COL5A2: variants seen among roughly 807,000 people sequenced by gnomAD.
COL5A2 encodes the protein collagen alpha-2(V) chain.
A neutral mutation model predicts 208.2 loss-of-function variants in COL5A2; 23 were observed. That is an observed-to-expected ratio of 0.11 (90% CI 0.08 to 0.16). The LOEUF is 0.16. Among genes scored for constraint, COL5A2 ranks in the 10% least tolerant of loss-of-function variants. The pLI, the probability that COL5A2 is intolerant of heterozygous loss-of-function variation, is 1.00. For missense variants in COL5A2, 1,590 were observed against 1,956.4 expected (o/e 0.81, Z 3.53); for synonymous variants, 625 against 628.5 (o/e 0.99, Z 0.08).
chr2:189,360,195 C>T, the COL5A2 span, among the ~76,000 whole-genome samples: 1 of 151,952 alleles, frequency 6.6e-6, no homozygotes, highest in Non-Finnish European at 1.5e-5. Flanking sequence ...GCTAAGAACT[C>T]CTGTCTTAAG....
intron 1 of COL5A2, among the ~76,000 whole-genome samples, chr2:189,138,910 A>G: frequency 6.6e-6 from 1 of 152,232 alleles, no homozygotes; most frequent in African/African-American, 2.4e-5. Context: ...AATATAAAAT[A>G]GAATAGGACA....
intron 16 of COL5A2, among the ~76,000 whole-genome samples, chr2:189,077,128 G>A (rs186201057): frequency 2.0e-5 from 3 of 152,078 alleles, no homozygotes; most frequent in Admixed American, 6.6e-5. Flanking sequence ...ACTTGGCCTA[G>A]AGAAGTGGCC....
Position 189,063,191 on chromosome 2 carries a change from G to C in COL5A2, c.1850C>G (p.Pro617Arg), listed in dbSNP as rs754654151. ...ACTCACACTGCTACCTTTGGGGCCT[G>C]GAAGGCCCATGCTCCCGGGCTGCCC... Reference protein sequence around the residue: ...IRGQPGSMGLPGPKGSSGDPG... With the variant: ...IRGQPGSMGLRGPKGSSGDPG... The change falls in exon 27 of 54, where the codon CCA becomes CGA. Residue 617 changes from proline to arginine, a missense_variant. By Grantham distance (103) the Pro-to-Arg change is moderately radical. Transcript: ENST00000374866. 3 of 1,613,984 alleles carry C rather than the reference G, an allele frequency of 1.9e-6. No homozygotes were observed. In the South Asian group the frequency reaches 3.3e-5, roughly 18 times the overall value.
At position 189,050,671 on chromosome 2, in the gene COL5A2, T is replaced by C; in HGVS notation, c.2937A>G (p.Pro979=). The C allele has an allele frequency of 6.4e-7, 1 of 1,551,650 alleles. No homozygotes were observed. The highest frequency in any genetic ancestry group is 8.7e-7 in the Non-Finnish European group (1 of 1,146,962). The change falls in exon 43 of 54, where the codon CCA becomes CCG. Residue 979 remains proline, a synonymous_variant. Transcript: ENST00000374866. ...GDPGEDGQPG[P]DGPPGPAGTT... ...TTCCAGCTGGACCAGGGGGGCCATC[T>C]GGACCCTAATGTTGAGGACAAACTA...
chr2:189,347,035 T>C, the COL5A2 span, among the ~76,000 whole-genome samples: 1 of 152,110 alleles, frequency 6.6e-6, no homozygotes, highest in Non-Finnish European at 1.5e-5. Context: ...CCTCTTCCAA[T>C]CCCCATTCCT....
intron 1 of COL5A2, among the ~76,000 whole-genome samples, chr2:189,170,196 A>C (rs1688545690): frequency 6.6e-6 from 1 of 152,214 alleles, no homozygotes; most frequent in African/African-American, 2.4e-5. Flanking sequence ...AAATAAAAAA[A>C]ATTGCCCGAG....
chr2:189,230,055 G>A (rs1010955636), upstream of COL5A2, among the ~76,000 whole-genome samples: 1 of 151,754 alleles, frequency 6.6e-6, no homozygotes, highest in African/African-American at 2.4e-5. Context: ...AGTGATCTTT[G>A]AGAAGGGTGC....
the COL5A2 span, among the ~76,000 whole-genome samples, chr2:189,244,725 T>C: frequency 6.6e-6 from 1 of 152,240 alleles, no homozygotes; most frequent in East Asian, 1.9e-4. Flanking sequence ...AACATCTGCC[T>C]GTTACCCAGT....
At chr2:189,303,161 T>TA in the COL5A2 span, among the ~76,000 whole-genome samples, 1 of 152,120 alleles carries the variant, frequency 6.6e-6, no homozygotes, top group East Asian at 1.9e-4. Flanking sequence ...GAAAGGACAT[T>TA]AAATTTGTGG....
chr2:189,050,837 C>A (rs1172171760), intron 42 of COL5A2, among the ~76,000 whole-genome samples, 161 bp from the exon 43 acceptor site: 1 of 152,116 alleles, frequency 6.6e-6, no homozygotes, highest in African/African-American at 2.4e-5. Flanking sequence ...AAATTGTAAT[C>A]CGCACAGAAC....
rs75182572 is a variant in COL5A2 at position 189,089,556 on chromosome 2, T to A, written c.568-784A>T. ...ATATGTTTCCTTGTTAAGGTCTCAA[T>A]CTACAGGCATGCCTCATTTTACTGT... On this transcript the variant is annotated intron_variant, in intron 7 of 53. Transcript: ENST00000374866. Among the ~76,000 whole-genome samples, 1,191 of 152,272 alleles carry A rather than the reference T, an allele frequency of 7.8e-3. 17 individuals are homozygous for A. Among genetic ancestry groups the A allele is most frequent in the African/African-American group, 0.027 (1,104 of 41,556 alleles).
chr2:189,288,917 A>G, the COL5A2 span, among the ~76,000 whole-genome samples: 1 of 152,222 alleles, frequency 6.6e-6, no homozygotes, highest in Admixed American at 6.5e-5. Flanking sequence ...AGATCAATAA[A>G]TGTGATACGC....
intron 1 of COL5A2, among the ~76,000 whole-genome samples, chr2:189,152,305 G>GTACAACATGGA (rs1688160440): frequency 6.6e-6 from 1 of 152,172 alleles, no homozygotes; most frequent in Non-Finnish European, 1.5e-5. Flanking sequence ...TAATAGGTAA[G>GTACAACATGGA]GTCAGCACTC....
intron 1 of COL5A2, among the ~76,000 whole-genome samples, chr2:189,223,250 T>TAGAGTTGACAG (rs1689370084): frequency 6.6e-6 from 1 of 152,182 alleles, no homozygotes; most frequent in South Asian, 2.1e-4. Flanking sequence ...AACATTTTTT[T>TAGAGTTGACAG]CCTCCTCCAG....
At chr2:189,433,371 C>CA in the COL5A2 span, among the ~76,000 whole-genome samples, 14 of 152,154 alleles carry the variant, frequency 9.2e-5, no homozygotes, top group Admixed American at 6.5e-4. Context: ...AAAGACCCTT[C>CA]AAAAAATCAA....
the COL5A2 span, among the ~76,000 whole-genome samples, chr2:189,337,269 G>A: frequency 2.0e-5 from 3 of 146,400 alleles, no homozygotes. Context: ...TGCAAGCTCC[G>A]CCTCCCGGGT....
chr2:189,273,624 T>C, the COL5A2 span, among the ~76,000 whole-genome samples: 1,805 of 152,006 alleles, frequency 0.012, 22 homozygotes, highest in Non-Finnish European at 0.021. Context: ...AGGGAAAGAA[T>C]GGATAAAGAA....
At position 189,061,556 on chromosome 2, in the gene COL5A2, G is replaced by C. The variant is rs1686033754; in HGVS notation, c.2031+6C>G. The C allele has an allele frequency of 6.2e-7, 1 of 1,607,592 alleles. No individual in the cohort carries two copies. Among genetic ancestry groups the C allele is most frequent in the African/African-American group, 1.3e-5 (1 of 74,630 alleles). The stretch of plus-strand genomic sequence containing the variant: ...AGATGAAATGGAAAACCGAATTAGT[G>C]CATACCTGAAAACCTGTGGGGCCTG... On this transcript the variant is annotated splice_donor_region_variant and intron_variant, in intron 30 of 53. Transcript: ENST00000374866.
rs11277110 is a variant in COL5A2, at chr2:189,050,280, CTCCGGGA to C, written c.3039+282_3039+288del. Among the ~76,000 whole-genome samples the C allele has an allele frequency of 0.71, 107,133 of 151,236 alleles. 38,965 individuals are homozygous for C. The highest frequency in any genetic ancestry group is 0.81 in the Non-Finnish European group (54,530 of 67,592). Reference sequence around the variant, plus strand: ...CCAGAAGATTATCCCCCTCCTCTAGCTCCGGGATCTTTTTAATCTTTGAAGAAGGATT... The same window carrying C: ...CCAGAAGATTATCCCCCTCCTCTAGCTCTTTTTAATCTTTGAAGAAGGATT... On this transcript the variant is annotated intron_variant, in intron 43 of 53. Coordinates refer to ENST00000374866, the MANE Select transcript of COL5A2 (RefSeq NM_000393.5).
Sources: gnomAD v4.1 joint callset for allele counts (sites outside exome capture counted in the v4.1 genomes callset) on GRCh38, gnomAD v4.1.1 for gene constraint, MANE v1.5 for transcripts, NCBI Gene and HGNC (gene_info 2026-07-23, HGNC 2026-07-21) for gene names.